Variants in VEGFA observed in about 807,000 individuals in gnomAD.
VEGFA encodes the protein vascular endothelial growth factor A, long form.
VEGFA carries 20 observed loss-of-function variants against 49.7 expected under a neutral mutation model. The ratio of observed to expected loss-of-function variants is 0.40; its 90% CI spans 0.28 to 0.58. VEGFA has a LOEUF of 0.58. VEGFA is among the 20% of genes least tolerant of loss of function. The pLI, the probability that VEGFA is intolerant of heterozygous loss-of-function variation, is 0.40. For synonymous variants in VEGFA, 219 were observed against 223.4 expected, an observed-to-expected ratio of 0.98 and a Z score of 0.18; for missense variants, 505 against 553.5, an observed-to-expected ratio of 0.91 and a Z score of 0.88.
intron 6 of VEGFA, 57 bp downstream of exon 6, chr6:43,780,860 A>G (rs749489202): frequency 6.3e-7 from 1 of 1,589,158 alleles, no homozygotes; most frequent in Non-Finnish European, 8.5e-7. Context: ...CCCCAGTACA[A>G]CCTCCGCCTG....
In VEGFA at chr6:43,781,058, C is replaced by A. The variant is rs3025018; in HGVS notation, c.1034+255C>A. ...GGCCTGGAGGATTAAGGGAGGGGAC[C>A]CTGGCTTGGCTGGGCACCGATTTTC... On this transcript the variant is annotated intron_variant, in intron 6 of 7. Transcript: ENST00000672860. The A allele has an allele frequency of 4.7e-6, 4 of 849,218 alleles. No individual in the cohort carries two copies. In the East Asian group the frequency reaches 1.1e-4, roughly 23 times the overall value. The allele number at this position is 849,218 out of a possible 1,614,324, so 52.6% of individuals were successfully genotyped here. A position where few individuals can be genotyped will look rare whatever the true frequency, so the allele number is the denominator to read the frequency against.
chr6:43,782,583 A>G (rs1429287362), intron 7 of VEGFA: 1 of 244,152 alleles, frequency 4.1e-6, no homozygotes, highest in African/African-American at 2.2e-5. Context: ...TGCTGGGGGA[A>G]GGAATTGAGT....
At position 43,777,655 on chromosome 6, in the gene VEGFA, T is replaced by C. The variant is rs758648305; in HGVS notation, c.845T>C (p.Ile282Thr). 5.9e-6 allele frequency: 8 copies of C among 1,352,424 alleles called. No homozygotes were observed. Among genetic ancestry groups the C allele is most frequent in the Admixed American group, 5.8e-5 (3 of 51,358 alleles). The allele number at this position is 1,352,424 out of a possible 1,614,324, so 83.8% of individuals were successfully genotyped here. Residue 282 changes from isoleucine to threonine, a missense_variant, in exon 3 of 8, where the codon ATC becomes ACC. Physicochemically the swap from Ile to Thr is moderately conservative, Grantham distance 89 (BLOSUM62 -1). This residue lies in a region of VEGFA where 165 missense variants were observed against 231.7 expected (regional missense o/e 0.71). Coordinates refer to ENST00000672860, the MANE Select transcript of VEGFA (RefSeq NM_003376.6). The surrounding 1 kb of genome is among the most constrained non-coding windows in gnomAD (Gnocchi z 4.3). ...TGTGTGCCCACTGAGGAGTCCAACA[T>C]CACCATGCAGGTGGGCATCTTTGGG...
chr6:43,777,736 C>T lies in VEGFA; in HGVS notation c.855+71C>T. On this transcript the variant is annotated intron_variant, in intron 3 of 7. Transcript: ENST00000672860. This position sits in a 1 kb window ranked among gnomAD's most constrained non-coding sequence, Gnocchi z 4.3. The stretch of plus-strand genomic sequence containing the variant: ...GTAACACTTTGGGAACAGGTGGTCC[C>T]AGGTCGTTTCCTGGCTAGATTTGCC... 6.8e-7 allele frequency: 1 copy of T among 1,477,072 alleles called. No homozygotes were observed. The highest frequency in any genetic ancestry group is 9.1e-7 in the Non-Finnish European group (1 of 1,094,932). 91.5% of individuals were successfully genotyped at this position (1,477,072 alleles called of 1,614,324 possible).
chr6:43,775,570 A>G (rs2128017342), intron 2 of VEGFA: 1 of 151,736 alleles, frequency 6.6e-6, no homozygotes, highest in East Asian at 1.9e-4. Flanking sequence ...TCAGTTACCA[A>G]CCCCTTGCCC....
In VEGFA at chr6:43,778,516, G is replaced by A. The variant is rs753810356; in HGVS notation, c.912G>A (p.Gln304=). ...ACATAGGAGAGATGAGCTTCCTACA[G>A]CACAACAAATGTGAATGCAGGTGAG... Residue 304 remains glutamine, a synonymous_variant, in exon 4 of 8, where the codon CAG becomes CAA. Coordinates refer to ENST00000672860, the MANE Select transcript of VEGFA (RefSeq NM_003376.6). The A allele has an allele frequency of 6.2e-7, 1 of 1,614,152 alleles. No individual in the cohort carries two copies. Among genetic ancestry groups the A allele is most frequent in the South Asian group, 1.1e-5 (1 of 91,084 alleles).
chr6:43,770,612 G>C lies in VEGFA; in HGVS notation c.-95G>C. The C allele has an allele frequency of 1.4e-6, 2 of 1,435,988 alleles. No homozygotes were observed. The highest frequency in any genetic ancestry group is 1.8e-6 in the Non-Finnish European group (2 of 1,102,292). 89.0% of individuals were successfully genotyped at this position (1,435,988 alleles called of 1,614,324 possible). A position where few individuals can be genotyped will look rare whatever the true frequency, so the allele number is the denominator to read the frequency against. ...GCGCGCGGGCGTGCGAGCAGCGAAA[G>C]CGACAGGGGCAAAGTGAGTGACCTG... On this transcript the variant is annotated 5_prime_UTR_variant, in exon 1 of 8. Coordinates refer to ENST00000672860, the MANE Select transcript of VEGFA (RefSeq NM_003376.6).
intron 5 of VEGFA, chr6:43,779,967 C>T: frequency 3.5e-6 from 1 of 289,568 alleles, no homozygotes; most frequent in East Asian, 8.4e-5. Context: ...GGAAGAGTGT[C>T]TGGTGAGATG....
chr6:43,784,627 GAT>G lies in VEGFA; in HGVS notation c.*67_*68del. ...ACCAGATCTCTCACCAGGAAAGACT[GAT>G]ACAGAACGATCGATACAGAAACCAC... On this transcript the variant is annotated 3_prime_UTR_variant, in exon 8 of 8. Coordinates refer to ENST00000672860, the MANE Select transcript of VEGFA (RefSeq NM_003376.6). 1 of 1,614,066 alleles carries G rather than the reference GAT, an allele frequency of 6.2e-7. No homozygotes were observed. Among genetic ancestry groups the G allele is most frequent in the Non-Finnish European group, 8.5e-7 (1 of 1,179,928 alleles).
intron 5 of VEGFA, chr6:43,779,124 C>T (rs531240741): frequency 3.1e-6 from 2 of 650,410 alleles, no homozygotes; most frequent in African/African-American, 3.7e-5. Flanking sequence ...AGCCAGGAGC[C>T]TGGCACTTCC....
chr6:43,784,454 GC>G, intron 7 of VEGFA, 86 bp from the exon 8 acceptor site: 2 of 1,343,750 alleles, frequency 1.5e-6, no homozygotes, highest in Non-Finnish European at 2.1e-6. Flanking sequence ...TGACCCAGGG[GC>G]CCCCAGGAAT....
chr6:43,772,069 C>A, intron 1 of VEGFA: 12 of 985,586 alleles, frequency 1.2e-5, no homozygotes, highest in Non-Finnish European at 1.4e-5. Context: ...CCCCTCCCCC[C>A]GCCAGCCCTC....
chr6:43,774,546 C>T, intron 2 of VEGFA, 154 bp downstream of exon 2: 1 of 904,326 alleles, frequency 1.1e-6, no homozygotes, highest in East Asian at 2.6e-5. Flanking sequence ...ACGAGGTTCA[C>T]CCTCAGTTTC....
At chr6:43,776,165 C>T (rs1416200192) in intron 2 of VEGFA, 1 of 152,232 alleles carries the variant, frequency 6.6e-6, no homozygotes, top group Non-Finnish European at 1.5e-5. Flanking sequence ...CAGCCTGTTT[C>T]AGCATCTTTA....
chr6:43,771,576 C>A (rs1763578415), intron 1 of VEGFA, among the ~76,000 whole-genome samples: 1 of 152,170 alleles, frequency 6.6e-6, no homozygotes, highest in South Asian at 2.1e-4. Flanking sequence ...GGCCGACCAG[C>A]CGAGGGCGGG....
At chr6:43,775,019 C>T (rs3025044) in intron 2 of VEGFA, 1 of 163,120 alleles carries the variant, frequency 6.1e-6, no homozygotes, top group Non-Finnish European at 1.4e-5. Flanking sequence ...TTTGGATCCT[C>T]CCATTTCTCT....
In VEGFA at chr6:43,780,815, C is replaced by T. The variant is rs774318829; in HGVS notation, c.1034+12C>T. Reference sequence around the variant, plus strand: ...AAGTCCTGGAGCGTGTACGTTGGTGCCCGCTGCTGTCTAATGCCCTGGAGC... The same window carrying T: ...AAGTCCTGGAGCGTGTACGTTGGTGTCCGCTGCTGTCTAATGCCCTGGAGC... On this transcript the variant is annotated intron_variant, in intron 6 of 7. Coordinates refer to ENST00000672860, the MANE Select transcript of VEGFA (RefSeq NM_003376.6). 1.9e-6 allele frequency: 3 copies of T among 1,613,832 alleles called. No individual in the cohort carries two copies. In the African/African-American group the frequency reaches 4.0e-5, roughly 22 times the overall value.
In VEGFA at chr6:43,781,739, C is replaced by T. The variant is rs527913897; in HGVS notation, c.1035-217C>T. The T allele has an allele frequency of 8.9e-6, 5 of 563,888 alleles. No homozygotes were observed. The African/African-American group carries it at 9.4e-5, about 11-fold the overall frequency. 34.9% of individuals were successfully genotyped at this position (563,888 alleles called of 1,614,324 possible). ...CCCTGCACTCTCTGCCCGTCTGTGC[C>T]CGCCTCTTCCTGCGGCAGGTGTCCT... On this transcript the variant is annotated intron_variant, in intron 6 of 7. Transcript: ENST00000672860.
rs755046960 is a variant in VEGFA, at chr6:43,771,040, G to C, written c.334G>C (p.Gly112Arg). ...GGAGAGGGGGCCGCAGTGGCGACTC[G>C]GCGCTCGGAAGCCGGGCTCATGGAC... The change falls in exon 1 of 8, where the codon GGC (glycine) becomes CGC (arginine). Residue 112 changes from glycine to arginine, a missense_variant. Physicochemically the swap from Gly to Arg is moderately radical, Grantham distance 125. Coordinates refer to ENST00000672860, the MANE Select transcript of VEGFA (RefSeq NM_003376.6). 15 of 1,523,202 alleles carry C rather than the reference G, an allele frequency of 9.8e-6. No homozygotes were observed. The South Asian group carries it at 1.8e-4, about 19-fold the overall frequency. The allele number at this position is 1,523,202 out of a possible 1,614,324, so 94.4% of individuals were successfully genotyped here.
Sources: allele counts gnomAD v4.1 joint callset (sites outside exome capture counted in the v4.1 genomes callset), GRCh38; gene constraint gnomAD v4.1.1; regional missense constraint gnomAD v4.1.1; non-coding constraint Gnocchi (gnomAD v3.1); transcripts MANE v1.5; gene names NCBI Gene and HGNC (gene_info 2026-07-23, HGNC 2026-07-21).